CPED1: variants seen among roughly 807,000 people sequenced by gnomAD.
CPED1 encodes the protein cadherin-like and PC-esterase domain-containing protein 1.
A neutral mutation model predicts 128.2 loss-of-function variants in CPED1; 114 were observed. The observed-to-expected ratio is 0.89, with a 90% CI of 0.76 to 1.04. The LOEUF (loss-of-function observed/expected upper bound fraction) is 1.04, where lower values mean the gene tolerates loss of function less well. CPED1 is among the 50% of genes least tolerant of loss of function. The probability of loss-of-function intolerance (pLI) is 0.00; values close to 1 mark genes in which losing one functional copy is unlikely to be tolerated. For synonymous variants in CPED1, 462 were observed against 426.7 expected, an observed-to-expected ratio of 1.08 and a Z score of -1.02; for missense variants, 1,211 against 1,207.1, an observed-to-expected ratio of 1.00 and a Z score of -0.05.
rs566053053 is a variant in CPED1, at chr7:121,238,967, G to A, written c.2173+2136G>A. ...TCCACAGAAGACTATGAGCAGCCAG[G>A]GCACAATCACGACAACCAACTGCTC... On this transcript the variant is annotated intron_variant, in intron 17 of 22. Transcript: ENST00000310396. Among the ~76,000 whole-genome samples the A allele has an allele frequency of 2.6e-5, 4 of 152,078 alleles. No homozygotes were observed. The East Asian group carries it at 5.8e-4, about 22-fold the overall frequency.
chr7:121,149,633 G>A (rs1224411886), intron 16 of CPED1: 1 of 152,200 alleles, frequency 6.6e-6, no homozygotes, highest in Admixed American at 6.5e-5. Context: ...ACAGCATCCA[G>A]AGAAGTTTCT....
intron 16 of CPED1, among the ~76,000 whole-genome samples, chr7:121,207,310 T>C (rs1797541949): frequency 6.6e-6 from 1 of 152,090 alleles, no homozygotes; most frequent in Non-Finnish European, 1.5e-5. Context: ...TAAACTTTAA[T>C]ATGCTCTGCT....
At chr7:121,069,382 T>G (rs1782484959) in intron 5 of CPED1, among the ~76,000 whole-genome samples, 1 of 152,174 alleles carries the variant, frequency 6.6e-6, no homozygotes, top group Admixed American at 6.5e-5. Context: ...TTTCCCCATA[T>G]AGACTTGTCA....
chr7:121,077,079 A>C (rs781300270), intron 5 of CPED1, among the ~76,000 whole-genome samples: 2 of 152,016 alleles, frequency 1.3e-5, no homozygotes, highest in Non-Finnish European at 2.9e-5. Flanking sequence ...ACACCACTCC[A>C]TCCCCCATGA....
intron 16 of CPED1, among the ~76,000 whole-genome samples, chr7:121,186,441 A>AT (rs1797004615): frequency 6.6e-6 from 1 of 152,102 alleles, no homozygotes; most frequent in African/African-American, 2.4e-5. Flanking sequence ...TATTTTATGC[A>AT]TCTATGAAAA....
chr7:121,159,831 A>G (rs1439042004), intron 16 of CPED1, among the ~76,000 whole-genome samples: 1 of 152,160 alleles, frequency 6.6e-6, no homozygotes, highest in Non-Finnish European at 1.5e-5. Context: ...ACGTAGCACA[A>G]TGCCTGGAAA....
At chr7:121,093,405 C>T (rs897985871) in intron 5 of CPED1, among the ~76,000 whole-genome samples, 2 of 149,526 alleles carry the variant, frequency 1.3e-5, no homozygotes, top group African/African-American at 4.9e-5. Context: ...TGTACACACA[C>T]ACACACACAC....
intron 5 of CPED1, among the ~76,000 whole-genome samples, chr7:121,097,004 G>A (rs12673968): frequency 0.3 from 45,902 of 151,924 alleles, 7,278 homozygotes; most frequent in Middle Eastern, 0.39. Context: ...TAATACGTAA[G>A]CATTGGTTTT....
At chr7:121,155,999 A>G (rs1165852618) in intron 16 of CPED1, among the ~76,000 whole-genome samples, 2 of 152,216 alleles carry the variant, frequency 1.3e-5, no homozygotes, top group East Asian at 1.9e-4. Flanking sequence ...AAACAACTCA[A>G]TAGCAAAAAA....
At chr7:121,072,424 A>G (rs567267250) in intron 5 of CPED1, among the ~76,000 whole-genome samples, 1 of 152,262 alleles carries the variant, frequency 6.6e-6, no homozygotes, top group South Asian at 2.1e-4. Flanking sequence ...CCCAGCATTC[A>G]TAGTATAGAA....
At chr7:121,293,043 G>A (rs1277707433) in intron 22 of CPED1, among the ~76,000 whole-genome samples, 1 of 152,192 alleles carries the variant, frequency 6.6e-6, no homozygotes, top group Non-Finnish European at 1.5e-5. Context: ...CAGAGCTCTA[G>A]TGCTGTGTTG....
Position 121,015,689 on chromosome 7 carries a change from T to C in CPED1, c.274T>C (p.Phe92Leu). The C allele has an allele frequency of 6.2e-7, 1 of 1,601,460 alleles. No homozygotes were observed. Among genetic ancestry groups the C allele is most frequent in the Non-Finnish European group, 8.5e-7 (1 of 1,176,242 alleles). The change falls in exon 3 of 23, where the codon TTT becomes CTT. Residue 92 changes from phenylalanine (F) to leucine (L), a missense_variant. Transcript: ENST00000310396. ...GGTCAAAGAATCAATGGAGACACAC[T>C]TTGGCAGCCATGGCCGAAGGGCCAT... The part of the protein sequence containing the change: ...RKVKESMETH[F>L]GSHGRRAILY...
intron 2 of CPED1, among the ~76,000 whole-genome samples, chr7:121,007,976 T>C (rs1792068402): frequency 6.6e-6 from 1 of 151,926 alleles, no homozygotes; most frequent in Admixed American, 6.6e-5. Context: ...TGTTTTCTTT[T>C]CTTTTCTTTC....
intron 3 of CPED1, among the ~76,000 whole-genome samples, chr7:121,037,342 C>A (rs1172072714): frequency 6.6e-6 from 1 of 152,156 alleles, no homozygotes; most frequent in Non-Finnish European, 1.5e-5. Flanking sequence ...GATCCAGTTT[C>A]ATTCTTCTAC....
intron 16 of CPED1, among the ~76,000 whole-genome samples, chr7:121,170,912 T>TG (rs1387365058): frequency 6.6e-6 from 1 of 151,780 alleles, no homozygotes; most frequent in African/African-American, 2.4e-5. Context: ...TTAGCGGGTG[T>TG]GGTGGCCCAT....
chr7:121,279,439 C>T (rs996764450), intron 22 of CPED1, among the ~76,000 whole-genome samples: 2 of 150,480 alleles, frequency 1.3e-5, no homozygotes, highest in Non-Finnish European at 3.0e-5. Context: ...AAGCTACTCA[C>T]TCACTCCCCA....
At chr7:121,070,475 C>T (rs910904868) in intron 5 of CPED1, among the ~76,000 whole-genome samples, 1 of 152,074 alleles carries the variant, frequency 6.6e-6, no homozygotes, top group Admixed American at 6.6e-5. Flanking sequence ...GTAAAATTCT[C>T]ATCTCTTTAA....
At chr7:121,088,003 A>T (rs1046345068) in intron 5 of CPED1, among the ~76,000 whole-genome samples, 3 of 152,080 alleles carry the variant, frequency 2.0e-5, no homozygotes, top group Non-Finnish European at 4.4e-5. Context: ...CTTCCCTAAT[A>T]TATTGAAAAT....
At chr7:121,292,370 C>G in intron 22 of CPED1, among the ~76,000 whole-genome samples, 1 of 151,832 alleles carries the variant, frequency 6.6e-6, no homozygotes, top group Non-Finnish European at 1.5e-5. Flanking sequence ...TCCATCGGGT[C>G]ATTTATGTTC....
Sources: gnomAD v4.1 joint callset for allele counts (sites outside exome capture counted in the v4.1 genomes callset) on GRCh38, gnomAD v4.1.1 for gene constraint, MANE v1.5 for transcripts, NCBI Gene and HGNC (gene_info 2026-07-23, HGNC 2026-07-21) for gene names.